LRPAP1: variants seen among roughly 807,000 people sequenced by gnomAD.
LRPAP1 encodes the protein alpha-2-macroglobulin receptor-associated protein.
LRPAP1 carries 41 observed loss-of-function variants against 39.9 expected under a neutral mutation model. That is an observed-to-expected ratio of 1.03 (90% CI 0.80 to 1.33). The LOEUF is 1.33. Ranked by LOEUF, LRPAP1 falls within the 40% of genes most tolerant of loss-of-function variation. The probability of loss-of-function intolerance (pLI) is 0.00; values close to 1 mark genes in which losing one functional copy is unlikely to be tolerated. For synonymous variants in LRPAP1, 263 were observed against 212.7 expected (o/e 1.24, Z -2.06); for missense variants, 565 against 482.3 (o/e 1.17, Z -1.61).
chr4:3,532,107 G>A (rs1475955017), intron 1 of LRPAP1, 102 bp downstream of exon 1: 2 of 1,314,386 alleles, frequency 1.5e-6, no homozygotes, highest in Non-Finnish European at 2.1e-6. Context: ...AGGTGCCCCG[G>A]CTGCGCCCCC....
intron 1 of LRPAP1, among the ~76,000 whole-genome samples, chr4:3,529,523 C>T (rs1043956476): frequency 6.6e-5 from 10 of 152,106 alleles, no homozygotes; most frequent in African/African-American, 7.2e-5. Context: ...CCTCAGAAGT[C>T]GTCTGTGAGC....
Position 3,509,021 on chromosome 4 carries a change from GGCACAGGATTAAAGCACCAC to G in LRPAP1, c.*3933_*3952del, listed in dbSNP as rs1729435430. On this transcript the variant is annotated 3_prime_UTR_variant, in exon 8 of 8. Coordinates refer to ENST00000650182, the MANE Select transcript of LRPAP1 (RefSeq NM_002337.4). ...CGCCATGGCCAAGGCGGGAGTTTAG[GGCACAGGATTAAAGCACCAC>G]GCACAGGTGACAAATGAAATAAAAA... is the stretch of plus-strand genomic sequence containing the variant. 6.6e-6 allele frequency: 1 copy of G among 152,214 alleles called. No homozygotes were observed. Among genetic ancestry groups the G allele is most frequent in the South Asian group, 2.1e-4 (1 of 4,828 alleles). The allele number at this position is 152,214 out of a possible 1,614,324, so 9.4% of individuals were successfully genotyped here. A position where few individuals can be genotyped will look rare whatever the true frequency, so the allele number is the denominator to read the frequency against.
chr4:3,514,819 T>TC lies in LRPAP1; in HGVS notation c.943dup (p.Glu315GlyfsTer92), dbSNP rs780338459. 6.2e-7 allele frequency: 1 copy of TC among 1,613,312 alleles called. No individual in the cohort carries two copies. Among genetic ancestry groups the TC allele is most frequent in the African/African-American group, 1.3e-5 (1 of 74,944 alleles). On this transcript the variant is annotated frameshift_variant, in exon 7 of 8. Transcript: ENST00000650182. LOFTEE classifies it high-confidence loss of function. Reference sequence around the variant, plus strand: ...CTTCTCGCGGCTGCGGCTCACACGCTCGCCGTCGCCCACGCTCTCTGCGTG... The same window carrying TC: ...CTTCTCGCGGCTGCGGCTCACACGCTCCGCCGTCGCCCACGCTCTCTGCGTG...
At position 3,506,864 on chromosome 4, in the gene LRPAP1, C is replaced by T. The variant is rs55916136; in HGVS notation, c.*6110G>A. ...AAAGTAAAATAGCAAGCCAGAGGAT[C>T]GGAAATTATTCACAACACATATCTG... On this transcript the variant is annotated 3_prime_UTR_variant, in exon 8 of 8. Transcript: ENST00000650182. The T allele has an allele frequency of 0.19, 28,648 of 152,186 alleles. 3,593 individuals are homozygous for T. Among genetic ancestry groups the T allele is most frequent in the East Asian group, 0.51 (2,645 of 5,174 alleles). 9.4% of individuals were successfully genotyped at this position (152,186 alleles called of 1,614,324 possible). A position where few individuals can be genotyped will look rare whatever the true frequency, so the allele number is the denominator to read the frequency against.
rs1729357033 is a variant in LRPAP1 at position 3,506,410 on chromosome 4, G to A, written c.*6564C>T. 7.0e-6 allele frequency: 1 copy of A among 143,518 alleles called. No individual in the cohort carries two copies. Among genetic ancestry groups the A allele is most frequent in the Admixed American group, 7.1e-5 (1 of 14,158 alleles). 8.9% of individuals were successfully genotyped at this position (143,518 alleles called of 1,614,324 possible). A position where few individuals can be genotyped will look rare whatever the true frequency, so the allele number is the denominator to read the frequency against. On this transcript the variant is annotated 3_prime_UTR_variant, in exon 8 of 8. Coordinates refer to ENST00000650182, the MANE Select transcript of LRPAP1 (RefSeq NM_002337.4). Reference sequence around the variant, plus strand: ...TTTTTTGAGGCGAAGTCTTGCTCTTGTCCCCAGGCCGGAGTGCAATGGCGC... The same window carrying A: ...TTTTTTGAGGCGAAGTCTTGCTCTTATCCCCAGGCCGGAGTGCAATGGCGC...
chr4:3,507,474 A>G lies in LRPAP1; in HGVS notation c.*5500T>C, dbSNP rs1201739145. Reference sequence around the variant, plus strand: ...GATTTGTATTATTTACCTACATATCATATATTTATACATTATCATCTGCGA... The same window carrying G: ...GATTTGTATTATTTACCTACATATCGTATATTTATACATTATCATCTGCGA... On this transcript the variant is annotated 3_prime_UTR_variant, in exon 8 of 8. Transcript: ENST00000650182. 2 of 86,066 alleles carry G rather than the reference A, an allele frequency of 2.3e-5. No individual in the cohort carries two copies. Among genetic ancestry groups the G allele is most frequent in the African/African-American group, 3.9e-5 (1 of 25,826 alleles). The allele number at this position is 86,066 out of a possible 1,614,324, so 5.3% of individuals were successfully genotyped here. A position where few individuals can be genotyped will look rare whatever the true frequency, so the allele number is the denominator to read the frequency against.
chr4:3,525,259 G>C (rs535901472), intron 1 of LRPAP1: 4 of 573,234 alleles, frequency 7.0e-6, no homozygotes, highest in Non-Finnish European at 1.2e-5. Context: ...CTGTATACAC[G>C]ATCCGGAAAC....
At chr4:3,513,093 G>T in intron 7 of LRPAP1, 57 bp from the exon 8 acceptor site, 1 of 1,369,648 alleles carries the variant, frequency 7.3e-7, no homozygotes, top group Non-Finnish European at 1.0e-6. Flanking sequence ...CCAGCTCTGT[G>T]AGCTCAGCCT....
chr4:3,524,914 G>C lies in LRPAP1; in HGVS notation c.342C>G (p.Asn114Lys), dbSNP rs1341036886. Residue 114 changes from asparagine (N) to lysine (K), a missense_variant, in exon 2 of 8, where the codon AAC becomes AAG. Coordinates refer to ENST00000650182, the MANE Select transcript of LRPAP1 (RefSeq NM_002337.4). Reference protein sequence around the residue: ...DGEKEARLIRNLNVILAKYGL... With the variant: ...DGEKEARLIRKLNVILAKYGL... ...GGAAAGAAACAAACGTACCATTGAG[G>C]TTGCGTATGAGTCTCGCTTCCTTCT... 1 of 1,614,196 alleles carries C rather than the reference G, an allele frequency of 6.2e-7. No individual in the cohort carries two copies. The highest frequency in any genetic ancestry group is 2.2e-5 in the East Asian group (1 of 44,888).
In LRPAP1 at chr4:3,525,020, A is replaced by G; in HGVS notation, c.236T>C (p.Leu79Pro). The G allele has an allele frequency of 6.2e-7, 1 of 1,614,030 alleles. No individual in the cohort carries two copies. The highest frequency in any genetic ancestry group is 8.5e-7 in the Non-Finnish European group (1 of 1,180,024). ...LHLPPVRLAE[L>P]HADLKIQERD... The stretch of plus-strand genomic sequence containing the variant: ...CTCCTGTATCTTCAGATCAGCGTGG[A>G]GCTCGGCCAGCCTCACGGGAGGAAG... The change falls in exon 2 of 8, where the codon CTC becomes CCC. Residue 79 changes from leucine to proline, a missense_variant. Coordinates refer to ENST00000650182, the MANE Select transcript of LRPAP1 (RefSeq NM_002337.4).
chr4:3,527,314 C>T (rs1422799772), intron 1 of LRPAP1, among the ~76,000 whole-genome samples: 3 of 152,186 alleles, frequency 2.0e-5, no homozygotes, highest in Admixed American at 1.3e-4. Flanking sequence ...GCGGCGTCCA[C>T]TGGAAGGCCC....
chr4:3,530,993 C>T (rs1312249651), intron 1 of LRPAP1, among the ~76,000 whole-genome samples: 1 of 152,136 alleles, frequency 6.6e-6, no homozygotes, highest in South Asian at 2.1e-4. Context: ...GGAGGCAGCA[C>T]TGCATCCCGG....
chr4:3,521,266 G>A (rs571545908), intron 2 of LRPAP1, among the ~76,000 whole-genome samples: 18 of 152,318 alleles, frequency 1.2e-4, no homozygotes, highest in African/African-American at 1.9e-4. Context: ...AGAGGGCCCC[G>A]AGTAGGCCTC....
In LRPAP1 at chr4:3,512,302, T is replaced by C. The variant is rs1380253949; in HGVS notation, c.*672A>G. 1.3e-5 allele frequency: 2 copies of C among 152,516 alleles called. No homozygotes were observed. The highest frequency in any genetic ancestry group is 2.9e-5 in the Non-Finnish European group (2 of 68,234). 9.4% of individuals were successfully genotyped at this position (152,516 alleles called of 1,614,324 possible). Reference sequence around the variant, plus strand: ...GTTTGGTGAGGTCTCCCGAGGTCCCTGAGCTGCAGAGGTGAGAGTTGAAAG... The same window carrying C: ...GTTTGGTGAGGTCTCCCGAGGTCCCCGAGCTGCAGAGGTGAGAGTTGAAAG... On this transcript the variant is annotated 3_prime_UTR_variant, in exon 8 of 8. Coordinates refer to ENST00000650182, the MANE Select transcript of LRPAP1 (RefSeq NM_002337.4).
rs1484644796 is a variant in LRPAP1 at position 3,512,824 on chromosome 4, G to C, written c.*150C>G. 5.8e-5 allele frequency: 37 copies of C among 642,212 alleles called. No homozygotes were observed. In the South Asian group the frequency reaches 7.1e-4, roughly 12 times the overall value. 39.8% of individuals were successfully genotyped at this position (642,212 alleles called of 1,614,324 possible). A position where few individuals can be genotyped will look rare whatever the true frequency, so the allele number is the denominator to read the frequency against. ...CAAGCCCTGTGTCGCGACGGCAGCG[G>C]CTGCAGTCACCAGAAACAATCCTTC... On this transcript the variant is annotated 3_prime_UTR_variant, in exon 8 of 8. Transcript: ENST00000650182.
chr4:3,519,276 G>A (rs1560256603), intron 3 of LRPAP1, among the ~76,000 whole-genome samples: 1 of 152,234 alleles, frequency 6.6e-6, no homozygotes. Flanking sequence ...GCAGCAGCCC[G>A]GTGACCCCGG....
At chr4:3,531,957 C>G in intron 1 of LRPAP1, 1 of 560,090 alleles carries the variant, frequency 1.8e-6, no homozygotes. Flanking sequence ...GAGGGCGACA[C>G]TGACCCTCGG....
At chr4:3,516,858 T>A (rs1266793605) in intron 5 of LRPAP1, among the ~76,000 whole-genome samples, 1 of 152,026 alleles carries the variant, frequency 6.6e-6, no homozygotes, top group Non-Finnish European at 1.5e-5. Context: ...CCCTTCCTGC[T>A]CAGGACCCCG....
chr4:3,515,594 G>A (rs958600607), intron 6 of LRPAP1, among the ~76,000 whole-genome samples: 3 of 152,096 alleles, frequency 2.0e-5, no homozygotes, highest in Admixed American at 1.3e-4. Flanking sequence ...ACTCAAGGCT[G>A]CCCACCCAGG....
Sources: gnomAD v4.1 joint callset for allele counts (sites outside exome capture counted in the v4.1 genomes callset) on GRCh38, gnomAD v4.1.1 for gene constraint, MANE v1.5 for transcripts, NCBI Gene and HGNC (gene_info 2026-07-23, HGNC 2026-07-21) for gene names.